Variants in KIF12 observed in about 807,000 individuals in gnomAD.
The protein encoded by KIF12 is kinesin-like protein KIF12.
KIF12 carries 80 observed loss-of-function variants against 87.9 expected under a neutral mutation model. The observed-to-expected ratio is 0.91, with a 90% CI of 0.76 to 1.10. The LOEUF (loss-of-function observed/expected upper bound fraction) is 1.10, where lower values mean the gene tolerates loss of function less well. Ranked by LOEUF, KIF12 falls within the 50% of genes least tolerant of loss-of-function variation. The pLI, the probability that KIF12 is intolerant of heterozygous loss-of-function variation, is 0.00. For missense variants in KIF12, 819 were observed against 865.3 expected, an observed-to-expected ratio of 0.95 and a Z score of 0.67; for synonymous variants, 353 against 348.5, an observed-to-expected ratio of 1.01 and a Z score of -0.14.
chr9:114,097,468 G>T (rs114942807), intron 6 of KIF12, 32 bp from the exon 7 acceptor site: 26 of 1,578,942 alleles, frequency 1.6e-5, no homozygotes, highest in African/African-American at 4.1e-5. Context: ...TGAGGGAAGG[G>T]GATCTTTCTG....
At position 114,096,451 on chromosome 9, in the gene KIF12, T is replaced by TTGTTCA. The variant is rs1847235640; in HGVS notation, c.673_674insTGAACA (p.His225delinsLeuAsnAsn). On this transcript the variant is annotated protein_altering_variant, in exon 8 of 19. Transcript: ENST00000640217. ...TCGGCTGGAGGCCTGGTTCAGGGTG[T>TTGTTCA]GGGCTGAGTTCCTTCGACGGCTGAG... is the stretch of plus-strand genomic sequence containing the variant. 6.2e-7 allele frequency: 1 copy of TTGTTCA among 1,612,342 alleles called. No individual in the cohort carries two copies. The highest frequency in any genetic ancestry group is 8.5e-7 in the Non-Finnish European group (1 of 1,179,456).
At chr9:114,098,836 C>T in intron 3 of KIF12, 99 bp downstream of exon 3, 4 of 1,390,928 alleles carry the variant, frequency 2.9e-6, no homozygotes, top group Non-Finnish European at 3.9e-6. Context: ...GAGAGGACCA[C>T]TCCGGGGGAG....
chr9:114,093,368 C>T (rs1350848808), intron 15 of KIF12, 35 bp from the exon 16 acceptor site: 2 of 1,554,678 alleles, frequency 1.3e-6, no homozygotes, highest in African/African-American at 2.7e-5. Context: ...CCATGACATC[C>T]CTACTTGTCA....
chr9:114,093,944 G>A lies in KIF12; in HGVS notation c.1342C>T (p.Arg448Ter), dbSNP rs763989781. 15 of 1,613,974 alleles carry A rather than the reference G, an allele frequency of 9.3e-6. No individual in the cohort carries two copies. Among genetic ancestry groups the A allele is most frequent in the Non-Finnish European group, 1.3e-5 (15 of 1,180,022 alleles). Reference protein sequence around the residue: ...RKEKSQLQNSRDLAQNEQRIL... With the variant: ...RKEKSQLQNS ...CGCTGCTCATTCTGGGCCAGGTCTC[G>A]GCTATTCTGCAGCTGGCTCTTTTCT... The change falls in exon 14 of 19, where the codon CGA (arginine) becomes TGA (stop). Residue 448 changes from arginine (R) to a stop codon, truncating the protein, a stop_gained. Transcript: ENST00000640217. LOFTEE classifies it high-confidence loss of function.
rs374214880 is a variant in KIF12 at position 114,094,495 on chromosome 9, T to C, written c.1120-40A>G. 3.8e-6 allele frequency: 5 copies of C among 1,306,094 alleles called. No individual in the cohort carries two copies. The Admixed American group carries it at 9.1e-5, about 24-fold the overall frequency. The allele number at this position is 1,306,094 out of a possible 1,614,324, so 80.9% of individuals were successfully genotyped here. A position where few individuals can be genotyped will look rare whatever the true frequency, so the allele number is the denominator to read the frequency against. On this transcript the variant is annotated intron_variant, in intron 11 of 18. Transcript: ENST00000640217. ...GCCCAGAGCCACCTTTATGGTTGTA[T>C]AAGTCGTGCACTGCACAAGAACTTC... is the stretch of plus-strand genomic sequence containing the variant.
chr9:114,094,989 G>A (rs199862536), intron 11 of KIF12, 34 bp downstream of exon 11: 6 of 1,509,608 alleles, frequency 4.0e-6, no homozygotes, highest in East Asian at 2.3e-5. Flanking sequence ...GCATCTCCAC[G>A]CCTGTCCCTC....
intron 16 of KIF12, 180 bp downstream of exon 16, chr9:114,093,049 G>C (rs1277819245): frequency 3.4e-6 from 4 of 1,167,918 alleles, no homozygotes; most frequent in East Asian, 2.6e-5. Flanking sequence ...AGGGTGAGGA[G>C]GGGGGAGGGT....
chr9:114,093,354 G>A lies in KIF12; in HGVS notation c.1492-21C>T, dbSNP rs758522082. ...AGTGCCTGCAAAAAGGTGCGTCAGA[G>A]GCTCCATGACATCCCTACTTGTCAC... On this transcript the variant is annotated intron_variant, in intron 15 of 18. Transcript: ENST00000640217. 6 of 1,555,138 alleles carry A rather than the reference G, an allele frequency of 3.9e-6. No homozygotes were observed. In the South Asian group the frequency reaches 4.7e-5, roughly 12 times the overall value.
intron 7 of KIF12, 130 bp downstream of exon 7, chr9:114,097,171 G>T: frequency 1.6e-6 from 2 of 1,233,930 alleles, no homozygotes; most frequent in Non-Finnish European, 2.2e-6. Flanking sequence ...GTGGTTTACT[G>T]GTCCTTCCCC....
Position 114,097,376 on chromosome 9 carries a change from G to A in KIF12, c.571C>T (p.Arg191Trp), listed in dbSNP as rs756980566. 1.2e-6 allele frequency: 2 copies of A among 1,608,718 alleles called. No homozygotes were observed. Among genetic ancestry groups the A allele is most frequent in the African/African-American group, 1.3e-5 (1 of 74,518 alleles). ...CGCAGCTGCTCCACATAGAAGCCCC[G>A]AGTCTTGTTCCAGCGAACAGGGAGG... ...RPLPVRWNKT[R>W]GFYVEQLRVV... Residue 191 changes from arginine to tryptophan, a missense_variant, in exon 7 of 19, where the codon CGG (arginine) becomes TGG (tryptophan). Physicochemically the swap from Arg to Trp is moderately radical, Grantham distance 101. Coordinates refer to ENST00000640217, the MANE Select transcript of KIF12 (RefSeq NM_001388308.1).
chr9:114,096,156 G>A lies in KIF12; in HGVS notation c.790C>T (p.Leu264=). The A allele has an allele frequency of 6.2e-7, 1 of 1,614,002 alleles. No individual in the cohort carries two copies. The highest frequency in any genetic ancestry group is 8.5e-7 in the Non-Finnish European group (1 of 1,180,034). ...CTGCCTGCCAGGTCCACAAAGCACA[G>A]CTTCCCACCAACAGGGGGCTCCCCA... is the stretch of plus-strand genomic sequence containing the variant. ...DPGEPPVGGK[L]CFVDLAGSEK... Residue 264 remains leucine, a synonymous_variant, in exon 9 of 19, where the codon CTG becomes TTG. Transcript: ENST00000640217.
rs1383039358 is a variant in KIF12 at position 114,096,105 on chromosome 9, G to C, written c.841C>G (p.Arg281Gly). 6.2e-7 allele frequency: 1 copy of C among 1,613,618 alleles called. No individual in the cohort carries two copies. ...GSEKVAATGS[R>G]GELMLEANSI... ...TTAGCCTCAAGCATCAGCTCCCCAC[G>C]GGATCCCGTGGCTGCTACCTTCTCA... is the stretch of plus-strand genomic sequence containing the variant. The change falls in exon 9 of 19, where the codon CGT (arginine) becomes GGT (glycine). Residue 281 changes from arginine to glycine, a missense_variant. Transcript: ENST00000640217.
intron 7 of KIF12, among the ~76,000 whole-genome samples, 184 bp from the exon 8 acceptor site, chr9:114,096,662 T>C (rs117424117): frequency 0.017 from 2,529 of 152,090 alleles, 31 homozygotes; most frequent in South Asian, 0.05. Context: ...GATGGGTGGA[T>C]GGAGGATAGA....
At chr9:114,093,797 A>T in intron 14 of KIF12, 89 bp downstream of exon 14, 1 of 1,151,736 alleles carries the variant, frequency 8.7e-7, no homozygotes. Context: ...CTGAATCCAG[A>T]GGCCAGCCTC....
chr9:114,092,725 C>T (rs754054625), intron 16 of KIF12, 83 bp from the exon 17 acceptor site: 3 of 1,517,178 alleles, frequency 2.0e-6, no homozygotes, highest in South Asian at 1.2e-5. Context: ...GCCATGACAC[C>T]CCACCATGCC....
rs368253429 is a variant in KIF12, at chr9:114,092,438, A to G, written c.1711T>C (p.Trp571Arg). 1 of 1,613,646 alleles carries G rather than the reference A, an allele frequency of 6.2e-7. No individual in the cohort carries two copies. The highest frequency in any genetic ancestry group is 1.7e-5 in the Admixed American group (1 of 59,988). ...TCTGCCAGGACTCGGGTCTGAGTCC[A>G]GTCACTGTGACTCCTGGGCCAGGGT... Reference protein sequence around the residue: ...KCPRERSHSDWTQTRVLAEML... With the variant: ...KCPRERSHSDRTQTRVLAEML... Residue 571 changes from tryptophan (W) to arginine (R), a missense_variant, in exon 18 of 19, where the codon TGG (tryptophan) becomes CGG (arginine). Transcript: ENST00000640217.
rs376807210 is a variant in KIF12, at chr9:114,097,444, G to A, written c.511-8C>T. ...GCTCAGCAAGTCCCGAACCTGGGAG[G>A]GGAGGGAGGAGGGTGAGGGAAGGGG... On this transcript the variant is annotated splice_polypyrimidine_tract_variant and splice_region_variant and intron_variant, in intron 6 of 18. Transcript: ENST00000640217. The A allele has an allele frequency of 6.3e-7, 1 of 1,587,340 alleles. No individual in the cohort carries two copies. Among genetic ancestry groups the A allele is most frequent in the South Asian group, 1.1e-5 (1 of 87,614 alleles).
In KIF12 at chr9:114,097,684, A is replaced by C. The variant is rs545244575; in HGVS notation, c.433T>G (p.Trp145Gly). The change falls in exon 6 of 19, where the codon TGG (tryptophan) becomes GGG (glycine). Residue 145 changes from tryptophan to glycine, a missense_variant. Transcript: ENST00000640217. ...LAGIMQRTFAWLLDRVQHLGA... is the reference protein window; with the variant it reads ...LAGIMQRTFAGLLDRVQHLGA... ...AGGTGCTGCACGCGGTCCAACAGCC[A>C]GGCGAAGGTCCTCTGCATGATGCCA... The C allele has an allele frequency of 3.1e-6, 5 of 1,614,172 alleles. No homozygotes were observed. The African/African-American group carries it at 4.0e-5, about 13-fold the overall frequency.
chr9:114,094,452 G>A lies in KIF12; in HGVS notation c.1123C>T (p.Pro375Ser), dbSNP rs371123919. Reference sequence around the variant, plus strand: ...AAACGCTGGGGCTGCTTTGCCACAGGAGACTGTAGGGAAAGAGGCCCAGAG... The same window carrying A: ...AAACGCTGGGGCTGCTTTGCCACAGAAGACTGTAGGGAAAGAGGCCCAGAG... ...VTTRPQAPKS[P>S]VAKQPQRLET... The change falls in exon 12 of 19, where the codon CCT (proline) becomes TCT (serine). Residue 375 changes from proline (P) to serine (S), a missense_variant. Pro to Ser is a moderately conservative substitution (Grantham distance 74). Coordinates refer to ENST00000640217, the MANE Select transcript of KIF12 (RefSeq NM_001388308.1). The A allele has an allele frequency of 3.4e-5, 55 of 1,605,592 alleles. No homozygotes were observed. The highest frequency in any genetic ancestry group is 4.3e-5 in the Non-Finnish European group (51 of 1,173,142).
Sources: allele counts gnomAD v4.1 joint callset (sites outside exome capture counted in the v4.1 genomes callset), GRCh38; gene constraint gnomAD v4.1.1; transcripts MANE v1.5; gene names NCBI Gene and HGNC (gene_info 2026-07-23, HGNC 2026-07-21).